The following GPATCH2L variants were observed in gnomAD, a reference collection of about 807,000 sequenced individuals.
GPATCH2L encodes the protein G-patch domain containing 2 like, also known as G patch domain-containing protein 2-like.
GPATCH2L carries 31 observed loss-of-function variants against 57.4 expected under a neutral mutation model. The observed-to-expected ratio is 0.54, with a 90% CI of 0.41 to 0.73. The LOEUF (loss-of-function observed/expected upper bound fraction) is 0.73, where lower values mean the gene tolerates loss of function less well. GPATCH2L is among the 30% of genes least tolerant of loss of function. The pLI, the probability that GPATCH2L is intolerant of heterozygous loss-of-function variation, is 0.00. For missense variants in GPATCH2L, 481 were observed against 599.9 expected (o/e 0.80, Z 2.07); for synonymous variants, 199 against 210.7 (o/e 0.94, Z 0.48).
Position 76,154,709 on chromosome 14 carries a change from T to G in GPATCH2L, c.346T>G (p.Ser116Ala). ...SKQHSWHESD[S>A]FTENAPCRPL... is the part of the protein sequence containing the mutation. ...GCAACATTCTTGGCATGAATCTGAC[T>G]CCTTTACTGAAAATGCACCTTGTCG... Residue 116 changes from serine to alanine, a missense_variant, in exon 2 of 10, where the codon TCC becomes GCC. This residue lies in a region of GPATCH2L where 208 missense variants were observed against 272.4 expected (regional missense o/e 0.76). Transcript: ENST00000261530. This position sits in a 1 kb window ranked among gnomAD's most constrained non-coding sequence, Gnocchi z 4.4. 2 of 1,614,164 alleles carry G rather than the reference T, an allele frequency of 1.2e-6. No individual in the cohort carries two copies. Among genetic ancestry groups the G allele is most frequent in the Non-Finnish European group, 1.7e-6 (2 of 1,180,014 alleles).
At chr14:76,223,075 T>C (rs916733152) in intron 1 of GPATCH2L, among the ~76,000 whole-genome samples, 3 of 152,178 alleles carry the variant, frequency 2.0e-5, no homozygotes, top group African/African-American at 7.2e-5. Context: ...TTTAAAGAAT[T>C]GACACTAGTC....
rs547943542 is a variant in GPATCH2L at position 76,213,175 on chromosome 14, C to A, written c.*11324C>A. The stretch of plus-strand genomic sequence containing the variant: ...TTAAAATATGTAGTAAAATATGTAA[C>A]ATTTTAGCTAACATTACAAGAGAAG... On this transcript the variant is annotated 3_prime_UTR_variant, in exon 10 of 10. Coordinates refer to ENST00000261530, the MANE Select transcript of GPATCH2L (RefSeq NM_017926.4). 37 of 152,134 alleles carry A rather than the reference C, an allele frequency of 2.4e-4. No homozygotes were observed. The highest frequency in any genetic ancestry group is 7.9e-4 in the African/African-American group (33 of 41,518). 9.4% of individuals were successfully genotyped at this position (152,134 alleles called of 1,614,324 possible). A position where few individuals can be genotyped will look rare whatever the true frequency, so the allele number is the denominator to read the frequency against.
chr14:76,224,246 G>A (rs2040527342), intron 1 of GPATCH2L, among the ~76,000 whole-genome samples: 1 of 152,184 alleles, frequency 6.6e-6, no homozygotes, highest in South Asian at 2.1e-4. Flanking sequence ...AGGGGAATGG[G>A]GAAGGACTGC....
intron 9 of GPATCH2L, among the ~76,000 whole-genome samples, chr14:76,198,496 A>G (rs892922447): frequency 6.6e-6 from 1 of 152,234 alleles, no homozygotes; most frequent in Non-Finnish European, 1.5e-5. Flanking sequence ...GCAGATTCCA[A>G]TCCTTTAAAA....
In GPATCH2L at chr14:76,207,267, G is replaced by T. The variant is rs956301789; in HGVS notation, c.*5416G>T. On this transcript the variant is annotated 3_prime_UTR_variant, in exon 10 of 10. Coordinates refer to ENST00000261530, the MANE Select transcript of GPATCH2L (RefSeq NM_017926.4). ...GGAGGTTGAGGGTGCAGTGAGCCAT[G>T]ATCTGGCCACTGCACTCCAGCCTGG... The T allele has an allele frequency of 6.6e-6, 1 of 152,178 alleles. No individual in the cohort carries two copies. The highest frequency in any genetic ancestry group is 2.4e-5 in the African/African-American group (1 of 41,452). The allele number at this position is 152,178 out of a possible 1,614,324, so 9.4% of individuals were successfully genotyped here. A position where few individuals can be genotyped will look rare whatever the true frequency, so the allele number is the denominator to read the frequency against.
At chr14:76,169,300 G>A (rs1315512359) in intron 3 of GPATCH2L, among the ~76,000 whole-genome samples, 2 of 152,092 alleles carry the variant, frequency 1.3e-5, no homozygotes, top group Non-Finnish European at 1.5e-5. Context: ...GCTTTTCAAG[G>A]CAGGACTTAT....
chr14:76,186,519 A>G (rs983106578), intron 8 of GPATCH2L, among the ~76,000 whole-genome samples: 2 of 152,146 alleles, frequency 1.3e-5, no homozygotes, highest in Non-Finnish European at 2.9e-5. Context: ...TTAGTCCTGT[A>G]TCTGTTGATG....
In GPATCH2L at chr14:76,209,647, T is replaced by TA; in HGVS notation, c.*7798dup. 1 of 152,282 alleles carries TA rather than the reference T, an allele frequency of 6.6e-6. No homozygotes were observed. The highest frequency in any genetic ancestry group is 1.5e-5 in the Non-Finnish European group (1 of 68,078). 9.4% of individuals were successfully genotyped at this position (152,282 alleles called of 1,614,324 possible). On this transcript the variant is annotated 3_prime_UTR_variant, in exon 10 of 10. Coordinates refer to ENST00000261530, the MANE Select transcript of GPATCH2L (RefSeq NM_017926.4). ...TAATCTGTGGCTTTCTGCTGCTGGT[T>TA]AATTTTTTAATTTGGCTTCCTCAAG...
At chr14:76,188,321 T>C (rs952774966) in intron 8 of GPATCH2L, among the ~76,000 whole-genome samples, 9 of 152,178 alleles carry the variant, frequency 5.9e-5, no homozygotes, top group Admixed American at 1.3e-4. Flanking sequence ...GTTGTACTAA[T>C]TTACATTCCC....
chr14:76,205,809 G>C lies in GPATCH2L; in HGVS notation c.*3958G>C, dbSNP rs1227877994. 1 of 152,372 alleles carries C rather than the reference G, an allele frequency of 6.6e-6. No individual in the cohort carries two copies. Among genetic ancestry groups the C allele is most frequent in the African/African-American group, 2.4e-5 (1 of 41,456 alleles). The allele number at this position is 152,372 out of a possible 1,614,324, so 9.4% of individuals were successfully genotyped here. A position where few individuals can be genotyped will look rare whatever the true frequency, so the allele number is the denominator to read the frequency against. On this transcript the variant is annotated 3_prime_UTR_variant, in exon 10 of 10. Coordinates refer to ENST00000261530, the MANE Select transcript of GPATCH2L (RefSeq NM_017926.4). ...ACTTTGGCTCCAGGCGAAGGCTCCT[G>C]GTGGTGATGCATGATTGATTTCAGG...
chr14:76,177,880 C>CGA, intron 6 of GPATCH2L, 108 bp from the exon 7 acceptor site: 1 of 1,548,030 alleles, frequency 6.5e-7, no homozygotes, highest in Non-Finnish European at 8.9e-7. Flanking sequence ...GTTATTCTCT[C>CGA]CCTCTCTTTA....
At chr14:76,199,671 T>C (rs954373790) in intron 9 of GPATCH2L, among the ~76,000 whole-genome samples, 2 of 152,020 alleles carry the variant, frequency 1.3e-5, no homozygotes, top group Non-Finnish European at 2.9e-5. Flanking sequence ...CAGGTGTTGG[T>C]GCAGATGTGG....
At chr14:76,184,023 GGTGT>G (rs3220936) in intron 8 of GPATCH2L, among the ~76,000 whole-genome samples, 2 of 5,924 alleles carry the variant, frequency 3.4e-4, no homozygotes, top group African/African-American at 4.7e-4. Context: ...TCATTAGCAT[GGTGT>G]GTGTGTGTGT....
rs1270746133 is a variant in GPATCH2L, at chr14:76,203,689, ACCC to A, written c.*1839_*1841del. ...TGCACTTCCCTTCCCTGTGGGCTGCACCCGTAGAAGTATAGAAAATGTAATGTC... is the reference window on the plus strand; with the variant it reads ...TGCACTTCCCTTCCCTGTGGGCTGCAGTAGAAGTATAGAAAATGTAATGTC... On this transcript the variant is annotated 3_prime_UTR_variant, in exon 10 of 10. Coordinates refer to ENST00000261530, the MANE Select transcript of GPATCH2L (RefSeq NM_017926.4). The A allele has an allele frequency of 1.3e-5, 2 of 152,280 alleles. No individual in the cohort carries two copies. The highest frequency in any genetic ancestry group is 3.9e-4 in the East Asian group (2 of 5,190). 9.4% of individuals were successfully genotyped at this position (152,280 alleles called of 1,614,324 possible). A position where few individuals can be genotyped will look rare whatever the true frequency, so the allele number is the denominator to read the frequency against.
chr14:76,152,814 C>CT (rs2038115088), intron 1 of GPATCH2L: 1 of 453,768 alleles, frequency 2.2e-6, no homozygotes, highest in Non-Finnish European at 4.4e-6. Context: ...TTTTTGTTGC[C>CT]TGAGTTTTTA....
downstream of GPATCH2L, among the ~76,000 whole-genome samples, chr14:76,214,769 G>A (rs918916486): frequency 6.6e-6 from 1 of 152,152 alleles, no homozygotes; most frequent in Non-Finnish European, 1.5e-5. Context: ...ATAGCAGTCA[G>A]TAACAAACTC....
At chr14:76,192,782 T>C (rs1220268826) in intron 8 of GPATCH2L, among the ~76,000 whole-genome samples, 3 of 152,146 alleles carry the variant, frequency 2.0e-5, no homozygotes, top group African/African-American at 7.2e-5. Context: ...ACTTTTACAA[T>C]AAAATAATTC....
chr14:76,216,999 A>G (rs914962038), downstream of GPATCH2L, among the ~76,000 whole-genome samples: 1 of 152,192 alleles, frequency 6.6e-6, no homozygotes, highest in Non-Finnish European at 1.5e-5. Context: ...ATATATAGCT[A>G]TACAGGAAAA....
chr14:76,172,612 G>A (rs970954447), intron 4 of GPATCH2L, among the ~76,000 whole-genome samples: 16 of 152,278 alleles, frequency 1.1e-4, no homozygotes, highest in African/African-American at 3.9e-4. Context: ...CAAGCTCTGT[G>A]ATAGTCACTG....
Sources: allele counts gnomAD v4.1 joint callset (sites outside exome capture counted in the v4.1 genomes callset), GRCh38; gene constraint gnomAD v4.1.1; regional missense constraint gnomAD v4.1.1; non-coding constraint Gnocchi (gnomAD v3.1); transcripts MANE v1.5; gene names NCBI Gene and HGNC (gene_info 2026-07-23, HGNC 2026-07-21).